Variants in RAB27A observed in about 807,000 individuals in gnomAD.
The protein encoded by RAB27A is ras-related protein Rab-27A.
In RAB27A, 17 loss-of-function variants were observed where a neutral mutation model predicts 20.8. The ratio of observed to expected loss-of-function variants is 0.82; its 90% CI spans 0.56 to 1.23. RAB27A has a LOEUF of 1.23. Among genes scored for constraint, RAB27A ranks in the 50% most tolerant of loss-of-function variants. The pLI, the probability that RAB27A is intolerant of heterozygous loss-of-function variation, is 0.00. For synonymous variants in RAB27A, 85 were observed against 92.8 expected (o/e 0.92, Z 0.48); for missense variants, 277 against 266.7 (o/e 1.04, Z -0.27).
At chr15:55,314,402 C>T (rs1324206843) in intron 1 of RAB27A, among the ~76,000 whole-genome samples, 4 of 152,128 alleles carry the variant, frequency 2.6e-5, no homozygotes, top group African/African-American at 9.7e-5. Context: ...ATATTCAACA[C>T]AGTACTGGAA....
intron 2 of RAB27A, among the ~76,000 whole-genome samples, chr15:55,302,763 G>A (rs1385174140): frequency 1.5e-5 from 2 of 133,254 alleles, no homozygotes; most frequent in African/African-American, 3.1e-5. Context: ...CTGCCCGGCC[G>A]AGACCCCGTC....
At chr15:55,257,741 C>T (rs552265589) in intron 2 of RAB27A, among the ~76,000 whole-genome samples, 1 of 152,318 alleles carries the variant, frequency 6.6e-6, no homozygotes, top group Admixed American at 6.5e-5. Context: ...GCCTGTAATC[C>T]CAGCACTTTG....
intron 6 of RAB27A, among the ~76,000 whole-genome samples, chr15:55,221,327 T>C (rs1358516608): frequency 6.6e-6 from 1 of 152,190 alleles, no homozygotes; most frequent in Admixed American, 6.5e-5. Flanking sequence ...AAGAATGCTC[T>C]AGGATCCATG....
chr15:55,261,583 A>C (rs1272904252), intron 2 of RAB27A, among the ~76,000 whole-genome samples: 1 of 148,956 alleles, frequency 6.7e-6, no homozygotes, highest in African/African-American at 2.5e-5. Context: ...CCAAAAAAAA[A>C]AAAAAAAGTT....
chr15:55,215,941 G>A (rs143160270), intron 6 of RAB27A, among the ~76,000 whole-genome samples: 2,547 of 94,218 alleles, frequency 0.027, 81 homozygotes, highest in African/African-American at 0.11. Context: ...GGGAGACGCC[G>A]TCTCAAAAAA....
At chr15:55,270,420 A>G (rs1897670154) in intron 1 of RAB27A, 136 bp from the exon 2 acceptor site, 1 of 152,180 alleles carries the variant, frequency 6.6e-6, no homozygotes, top group African/African-American at 2.4e-5. Flanking sequence ...AATCCAGCTA[A>G]TTAGTCTCAG....
chr15:55,244,897 G>A (rs1341922025), intron 2 of RAB27A, among the ~76,000 whole-genome samples: 3 of 152,088 alleles, frequency 2.0e-5, no homozygotes, highest in Non-Finnish European at 2.9e-5. Flanking sequence ...TATGTTTAAC[G>A]TTAAAAAGCA....
chr15:55,223,647 G>T (rs1895679250), intron 6 of RAB27A, among the ~76,000 whole-genome samples: 1 of 152,136 alleles, frequency 6.6e-6, no homozygotes, highest in Non-Finnish European at 1.5e-5. Context: ...ACTCAAAGTT[G>T]TCTCTCTGCA....
chr15:55,300,165 T>C (rs1464361538), intron 2 of RAB27A, among the ~76,000 whole-genome samples: 1 of 152,136 alleles, frequency 6.6e-6, no homozygotes, highest in Non-Finnish European at 1.5e-5. Context: ...AAAGAAAGTA[T>C]CTTTGTATTT....
rs1488240431 is a variant in RAB27A, at chr15:55,203,428, T to A, written c.*2079A>T. 6.8e-6 allele frequency: 1 copy of A among 148,096 alleles called. No homozygotes were observed. Among genetic ancestry groups the A allele is most frequent in the East Asian group, 2.0e-4 (1 of 5,118 alleles). 9.2% of individuals were successfully genotyped at this position (148,096 alleles called of 1,614,324 possible). On this transcript the variant is annotated 3_prime_UTR_variant, in exon 7 of 7. Coordinates refer to ENST00000336787, the MANE Select transcript of RAB27A (RefSeq NM_183235.3). ...GACCCTGCTCTTTTTTTTTTTTTTT[T>A]TTTTTGAGACAGAGTCTCCTCTGTC...
chr15:55,277,635 C>G (rs923565002), intron 1 of RAB27A, among the ~76,000 whole-genome samples: 6 of 152,140 alleles, frequency 3.9e-5, no homozygotes, highest in African/African-American at 1.4e-4. Context: ...TGACAAGGCA[C>G]CTGGAAACCA....
At position 55,304,459 on chromosome 15, in the gene RAB27A, TA is replaced by T. The variant is rs1042232751; in HGVS notation, c.-112+9579del. ...GTGAGAAACACCCAAGAATTATCAA[TA>T]AAAAAATAAATTTAAAAAAAAGAAA... On this transcript the variant is annotated intron_variant, in intron 2 of 5. Coordinates refer to the RAB27A transcript ENST00000563262. 6.1e-4 allele frequency among the ~76,000 whole-genome samples: 78 copies of T among 127,360 alleles called. 2 individuals carry two copies. The highest frequency in any genetic ancestry group is 2.8e-3 in the African/African-American group (76 of 26,990). 83.6% of individuals were successfully genotyped at this position (127,360 alleles called of 152,430 possible). A position where few individuals can be genotyped will look rare whatever the true frequency, so the allele number is the denominator to read the frequency against.
intron 2 of RAB27A, among the ~76,000 whole-genome samples, chr15:55,258,925 A>G (rs1897178793): frequency 1.3e-5 from 2 of 152,126 alleles, no homozygotes; most frequent in South Asian, 4.2e-4. Context: ...CCTGCATTCA[A>G]GTGATTCTCA....
chr15:55,235,015 T>C (rs963755003), intron 2 of RAB27A, 59 bp from the exon 3 acceptor site: 17 of 1,346,938 alleles, frequency 1.3e-5, no homozygotes, highest in Non-Finnish European at 1.5e-5. Context: ...TAATTATCCA[T>C]TTAAAAAGTG....
intron 6 of RAB27A, among the ~76,000 whole-genome samples, chr15:55,215,306 GA>G: frequency 6.6e-6 from 1 of 152,242 alleles, no homozygotes; most frequent in South Asian, 2.1e-4. Flanking sequence ...AAAGTACTTT[GA>G]AAACTATAAA....
At chr15:55,301,262 T>G (rs920179468) in intron 2 of RAB27A, among the ~76,000 whole-genome samples, 9 of 152,212 alleles carry the variant, frequency 5.9e-5, no homozygotes, top group African/African-American at 1.9e-4. Context: ...TCGGCTAATT[T>G]TTCTATTTTT....
At chr15:55,252,436 A>T (rs1200038247) in intron 2 of RAB27A, among the ~76,000 whole-genome samples, 1 of 152,010 alleles carries the variant, frequency 6.6e-6, no homozygotes, top group Non-Finnish European at 1.5e-5. Context: ...CCCCATCTCT[A>T]CTAAAAAATA....
intron 6 of RAB27A, among the ~76,000 whole-genome samples, chr15:55,221,072 C>T (rs1350362478): frequency 6.6e-6 from 1 of 152,208 alleles, no homozygotes; most frequent in Non-Finnish European, 1.5e-5. Flanking sequence ...CAGTCCCCCA[C>T]ACCCCTCAGA....
rs142538530 is a variant in RAB27A, at chr15:55,244,556, G to A, written c.-22-9600C>T. ...GGTCTCAAACTCCCGAGCTCAAGAG[G>A]AGAAATTTTTATAAAGAGAAACATA... On this transcript the variant is annotated intron_variant, in intron 2 of 6. Coordinates refer to ENST00000336787, the MANE Select transcript of RAB27A (RefSeq NM_183235.3). Among the ~76,000 whole-genome samples the A allele has an allele frequency of 3.3e-3, 505 of 152,104 alleles. 7 individuals are homozygous for A. The highest frequency in any genetic ancestry group is 0.012 in the African/African-American group (485 of 41,468).
Sources: gnomAD v4.1 joint callset for allele counts (sites outside exome capture counted in the v4.1 genomes callset) on GRCh38, gnomAD v4.1.1 for gene constraint, MANE v1.5 for transcripts, NCBI Gene and HGNC (gene_info 2026-07-23, HGNC 2026-07-21) for gene names.